Variants in DNAH11 observed in about 807,000 individuals in gnomAD.
DNAH11 encodes dynein axonemal heavy chain 11, also known as axonemal beta dynein heavy chain 11.
A neutral mutation model predicts 526.0 loss-of-function variants in DNAH11; 442 were observed. That is an observed-to-expected ratio of 0.84 (90% CI 0.78 to 0.91). The LOEUF (loss-of-function observed/expected upper bound fraction) is 0.91, where lower values mean the gene tolerates loss of function less well. DNAH11 is among the 40% of genes least tolerant of loss of function. DNAH11 has a pLI of 0.00. For synonymous variants in DNAH11, 2,461 were observed against 1,935.9 expected (o/e 1.27, Z -7.12); for missense variants, 6,989 against 5,448.7 (o/e 1.28, Z -8.90).
intron 61 of DNAH11, among the ~76,000 whole-genome samples, chr7:21,791,603 T>TC (rs1788482438): frequency 1.3e-5 from 2 of 152,154 alleles, no homozygotes; most frequent in South Asian, 4.1e-4. Flanking sequence ...TCTTAAGAGC[T>TC]CCCCCATCTA....
At chr7:21,565,593 G>A (rs1418820559) in intron 6 of DNAH11, among the ~76,000 whole-genome samples, 1 of 152,140 alleles carries the variant, frequency 6.6e-6, no homozygotes, top group Admixed American at 6.5e-5. Flanking sequence ...ATTCTGAAAA[G>A]ATAGAGTGGT....
At chr7:21,723,969 G>A (rs1009708245) in intron 44 of DNAH11, among the ~76,000 whole-genome samples, 2 of 152,196 alleles carry the variant, frequency 1.3e-5, no homozygotes, top group African/African-American at 2.4e-5. Context: ...TCAGCTGGAC[G>A]ACACATCTTC....
chr7:21,600,860 A>G lies in DNAH11; in HGVS notation c.3185A>G (p.Asp1062Gly). 2 of 1,613,946 alleles carry G rather than the reference A, an allele frequency of 1.2e-6. No homozygotes were observed. The highest frequency in any genetic ancestry group is 1.7e-6 in the Non-Finnish European group (2 of 1,179,860). Residue 1062 changes from aspartate (D) to glycine (G), a missense_variant, in exon 16 of 82, where the codon GAT (aspartate) becomes GGT (glycine). Asp to Gly is a moderately conservative substitution (Grantham distance 94, BLOSUM62 -1). Coordinates refer to ENST00000409508, the MANE Select transcript of DNAH11 (RefSeq NM_001277115.2). ...FLLYGHAVSS[D>G]EMDAHANEEI... Reference sequence around the variant, plus strand: ...TTGTATGGCCATGCTGTGTCTTCCGATGAAATGGATGCTCATGCAAATGAA... The same window carrying G: ...TTGTATGGCCATGCTGTGTCTTCCGGTGAAATGGATGCTCATGCAAATGAA...
chr7:21,769,168 C>G lies in DNAH11; in HGVS notation c.9102+3579C>G, dbSNP rs570890134. 1.5e-3 allele frequency among the ~76,000 whole-genome samples: 222 copies of G among 152,260 alleles called. 1 individual carries two copies. Among genetic ancestry groups the G allele is most frequent in the African/African-American group, 5.2e-3 (215 of 41,552 alleles). On this transcript the variant is annotated intron_variant, in intron 55 of 81. Transcript: ENST00000409508. ...AAATGCAACCACATTTATCTTGATT[C>G]TGCTTAAGTCTTATACTGGCTTAAG...
intron 20 of DNAH11, among the ~76,000 whole-genome samples, chr7:21,607,935 T>TA (rs1785363501): frequency 9.9e-5 from 2 of 20,220 alleles, no homozygotes; most frequent in African/African-American, 1.6e-4. Context: ...AGACTTCATC[T>TA]CAAAAAAAAA....
chr7:21,817,248 T>C (rs1789835439), intron 64 of DNAH11, among the ~76,000 whole-genome samples: 1 of 152,192 alleles, frequency 6.6e-6, no homozygotes, highest in Non-Finnish European at 1.5e-5. Context: ...GTCTGATAGA[T>C]AGAAAGCTGT....
At position 21,658,482 on chromosome 7, in the gene DNAH11, C is replaced by T. The variant is rs10499538; in HGVS notation, c.5095-316C>T. 0.092 allele frequency among the ~76,000 whole-genome samples: 13,958 copies of T among 152,152 alleles called. 690 individuals are homozygous for T. The highest frequency in any genetic ancestry group is 0.12 in the South Asian group (593 of 4,826). On this transcript the variant is annotated intron_variant, in intron 29 of 81. Transcript: ENST00000409508. ...CCAGAGGGGAATCTTGGTCTAGAAC[C>T]TCCTTGCCTTCAAAGCTGAGAAATG...
chr7:21,601,574 A>C lies in DNAH11; in HGVS notation c.3604A>C (p.Ser1202Arg). Residue 1202 changes from serine to arginine, a missense_variant, in exon 18 of 82, where the codon AGC (serine) becomes CGC (arginine). Transcript: ENST00000409508. The part of the protein sequence containing the change: ...PLKETITLLE[S>R]YGQKMPEQVY... ...AAAAGAAACGATCACCCTCTTGGAA[A>C]GCTATGGCCAGAAGATGCCTGAGCA... 6.2e-7 allele frequency: 1 copy of C among 1,605,428 alleles called. No homozygotes were observed. Among genetic ancestry groups the C allele is most frequent in the Non-Finnish European group, 8.5e-7 (1 of 1,173,212 alleles).
intron 56 of DNAH11, among the ~76,000 whole-genome samples, chr7:21,778,373 G>A (rs2127982161): frequency 6.6e-6 from 1 of 152,278 alleles, no homozygotes; most frequent in Admixed American, 6.5e-5. Flanking sequence ...CAGGTATTAA[G>A]TTGAATATTG....
intron 65 of DNAH11, among the ~76,000 whole-genome samples, chr7:21,831,403 T>G (rs1781761483): frequency 6.6e-6 from 1 of 152,138 alleles, no homozygotes; most frequent in African/African-American, 2.4e-5. Context: ...AACCAAAAAT[T>G]AATTTAGCAG....
At chr7:21,589,171 A>G in intron 11 of DNAH11, 37 bp from the exon 12 acceptor site, 1 of 1,462,788 alleles carries the variant, frequency 6.8e-7, no homozygotes, top group Non-Finnish European at 9.3e-7. Context: ...TCTATCTAAT[A>G]TACGTATAAA....
Position 21,589,227 on chromosome 7 carries a change from C to G in DNAH11, c.1993C>G (p.His665Asp), listed in dbSNP as rs1314862538. ...CTACAGATTTTTGGGCAATCCTGAT[C>G]ACGCTTTAGTTTATCAAAAGTATGT... is the stretch of plus-strand genomic sequence containing the variant. ...LRYLFLGNPD[H>D]ALVYQKYVEM... Residue 665 changes from histidine (H) to aspartate (D), a missense_variant, in exon 12 of 82, where the codon CAC (histidine) becomes GAC (aspartate). Transcript: ENST00000409508. The G allele has an allele frequency of 2.5e-6, 4 of 1,603,402 alleles. No individual in the cohort carries two copies. The South Asian group carries it at 4.6e-5, about 18-fold the overall frequency.
At chr7:21,788,135 C>T (rs564523801) in intron 60 of DNAH11, among the ~76,000 whole-genome samples, 2 of 152,050 alleles carry the variant, frequency 1.3e-5, no homozygotes, top group South Asian at 2.1e-4. Context: ...TATTTATCAC[C>T]GACCAACTGT....
chr7:21,866,796 T>C (rs541417805), intron 71 of DNAH11, 133 bp downstream of exon 71: 2 of 959,998 alleles, frequency 2.1e-6, no homozygotes, highest in East Asian at 2.7e-5. Flanking sequence ...GATTTTGATA[T>C]TATAATCACT....
At chr7:21,829,075 G>T (rs371941532) in intron 65 of DNAH11, among the ~76,000 whole-genome samples, 1 of 152,044 alleles carries the variant, frequency 6.6e-6, no homozygotes, top group African/African-American at 2.4e-5. Flanking sequence ...GGTTTGCTAC[G>T]TTTGCTACAC....
chr7:21,708,503 G>T (rs6972964), intron 40 of DNAH11, among the ~76,000 whole-genome samples: 27,813 of 152,116 alleles, frequency 0.18, 3,971 homozygotes, highest in African/African-American at 0.39. Context: ...CAGTTCATTT[G>T]ACCTAAAGCA....
intron 6 of DNAH11, among the ~76,000 whole-genome samples, chr7:21,567,837 A>G (rs914698543): frequency 1.3e-5 from 2 of 152,232 alleles, no homozygotes; most frequent in African/African-American, 4.8e-5. Context: ...TCACCTGTTC[A>G]CCTTGCGTGC....
intron 1 of DNAH11, 123 bp downstream of exon 1, chr7:21,543,719 A>T: frequency 9.4e-7 from 1 of 1,067,530 alleles, no homozygotes; most frequent in Non-Finnish European, 1.3e-6. Context: ...ACTTGGCTTG[A>T]AGTCCCCATC....
Position 21,894,820 on chromosome 7 carries a change from A to C in DNAH11, c.12933+15A>C, listed in dbSNP as rs376231744. The stretch of plus-strand genomic sequence containing the variant: ...TTAGTTTGAAGGTAAGCTTAAAGTG[A>C]GGCTATAGTAGACTTCAGCACATTG... On this transcript the variant is annotated intron_variant, in intron 78 of 81. Transcript: ENST00000409508. 1.2e-6 allele frequency: 2 copies of C among 1,607,644 alleles called. No individual in the cohort carries two copies. The highest frequency in any genetic ancestry group is 2.7e-5 in the African/African-American group (2 of 74,708).
Sources: gnomAD v4.1 joint callset for allele counts (sites outside exome capture counted in the v4.1 genomes callset) on GRCh38, gnomAD v4.1.1 for gene constraint, MANE v1.5 for transcripts, NCBI Gene and HGNC (gene_info 2026-07-23, HGNC 2026-07-21) for gene names.